Variants in SHOC1 observed in about 807,000 individuals in gnomAD.
The protein encoded by SHOC1 is shortage in chiasmata 1.
A neutral mutation model predicts 179.2 loss-of-function variants in SHOC1; 136 were observed. That is an observed-to-expected ratio of 0.76 (90% confidence interval 0.66 to 0.87). SHOC1 has a LOEUF of 0.87. Ranked by LOEUF, SHOC1 falls within the 40% of genes least tolerant of loss-of-function variation. The pLI, the probability that SHOC1 is intolerant of heterozygous loss-of-function variation, is 0.00. For missense variants in SHOC1, 1,538 were observed against 1,700.8 expected (o/e 0.90, Z 1.68); for synonymous variants, 489 against 586.6 (o/e 0.83, Z 2.41).
rs1309331084 is a variant in SHOC1 at position 111,758,778 on chromosome 9, G to C, written c.513C>G (p.Leu171=). The change falls in exon 6 of 28, where the codon CTC becomes CTG. Residue 171 remains leucine (L), a synonymous_variant. Transcript: ENST00000682961. ...CCAAAAACAGTTTTAGTCTACTCAA[G>C]AGAGTAGGCAAAGTTGGTAGGTGTT... ...SRKHLPTLPT[L]LSRLKLFLVK... 1 of 1,598,110 alleles carries C rather than the reference G, an allele frequency of 6.3e-7. No homozygotes were observed. Among genetic ancestry groups the C allele is most frequent in the South Asian group, 1.1e-5 (1 of 88,982 alleles).
intron 8 of SHOC1, among the ~76,000 whole-genome samples, chr9:111,753,047 A>T (rs1454253247): frequency 6.6e-6 from 1 of 152,116 alleles, no homozygotes; most frequent in Non-Finnish European, 1.5e-5. Flanking sequence ...ACCCTGTCTC[A>T]ACAATAAAAA....
chr9:111,753,443 A>C (rs1202847934), intron 8 of SHOC1, among the ~76,000 whole-genome samples: 1 of 152,376 alleles, frequency 6.6e-6, no homozygotes, highest in East Asian at 1.9e-4. Context: ...CAGTAATGCA[A>C]GGTTGATTGA....
In SHOC1 at chr9:111,694,586, A is replaced by G. The variant is rs576477836; in HGVS notation, c.3184-224T>C. On this transcript the variant is annotated intron_variant, in intron 24 of 27. Transcript: ENST00000682961. Reference sequence around the variant, plus strand: ...TATCCTTGTATTTTTAATTTTTGGAACTAAATCATTTTCATTTCATTTGGC... The same window carrying G: ...TATCCTTGTATTTTTAATTTTTGGAGCTAAATCATTTTCATTTCATTTGGC... Among the ~76,000 whole-genome samples the G allele has an allele frequency of 1.5e-3, 232 of 152,104 alleles. 1 individual carries two copies. Among genetic ancestry groups the G allele is most frequent in the African/African-American group, 5.3e-3 (222 of 41,534 alleles).
chr9:111,764,571 T>C (rs1334396384), intron 5 of SHOC1, among the ~76,000 whole-genome samples: 1 of 152,102 alleles, frequency 6.6e-6, no homozygotes, highest in Non-Finnish European at 1.5e-5. Context: ...TATAACTACA[T>C]TGGGAGAGTA....
At chr9:111,686,939 C>CTTTTTTTTTTTTTTTTT (rs10537471) in intron 27 of SHOC1, 69 bp from the exon 28 acceptor site, 1 of 498,932 alleles carries the variant, frequency 2.0e-6, no homozygotes, top group Non-Finnish European at 3.1e-6. Context: ...TTTTCTTTTC[C>CTTTTTTTTTTTTTTTTT]TTTTTTTTTT....
At position 111,692,015 on chromosome 9, in the gene SHOC1, G is replaced by A. The variant is rs772877928; in HGVS notation, c.3962C>T (p.Pro1321Leu). 6.2e-7 allele frequency: 1 copy of A among 1,613,146 alleles called. No individual in the cohort carries two copies. The highest frequency in any genetic ancestry group is 8.5e-7 in the Non-Finnish European group (1 of 1,179,654). Residue 1321 changes from proline to leucine, a missense_variant, in exon 27 of 28, where the codon CCC becomes CTC. Coordinates refer to ENST00000682961, the MANE Select transcript of SHOC1 (RefSeq NM_001378211.1). ...TDTQKRVSVV[P>L]RFINSQKRRT... is the part of the protein sequence containing the mutation. ...CCTTTTCTGAGAATTTATAAAACGGGGGACAACTGACACTCTCTTCTGAGT... is the reference window on the plus strand; with the variant it reads ...CCTTTTCTGAGAATTTATAAAACGGAGGACAACTGACACTCTCTTCTGAGT...
intron 2 of SHOC1, among the ~76,000 whole-genome samples, chr9:111,789,698 G>A (rs10981074): frequency 0.016 from 2,454 of 152,128 alleles, 59 homozygotes; most frequent in African/African-American, 0.048. Flanking sequence ...TTAGTATAGC[G>A]TTTGTATTAT....
chr9:111,744,022 AT>A (rs1335290079), intron 10 of SHOC1, among the ~76,000 whole-genome samples: 2 of 152,140 alleles, frequency 1.3e-5, no homozygotes, highest in African/African-American at 4.8e-5. Flanking sequence ...ATTAGTTAAG[AT>A]TTGTTTCATA....
At chr9:111,720,838 A>C (rs928156914) in intron 15 of SHOC1, among the ~76,000 whole-genome samples, 1 of 152,240 alleles carries the variant, frequency 6.6e-6, no homozygotes, top group Non-Finnish European at 1.5e-5. Flanking sequence ...AAACATACAG[A>C]AAACAGTAAT....
At chr9:111,716,463 T>TCACTG (rs1265992222) in intron 16 of SHOC1, among the ~76,000 whole-genome samples, 2 of 135,618 alleles carry the variant, frequency 1.5e-5, no homozygotes, top group Non-Finnish European at 3.1e-5. Flanking sequence ...CAATCTTGGC[T>TCACTG]CACTGCAGCC....
chr9:111,746,358 A>G lies in SHOC1; in HGVS notation c.971-16T>C, dbSNP rs747904169. 41 of 1,505,236 alleles carry G rather than the reference A, an allele frequency of 2.7e-5. No homozygotes were observed. The highest frequency in any genetic ancestry group is 3.5e-5 in the Non-Finnish European group (38 of 1,082,318). The allele number at this position is 1,505,236 out of a possible 1,614,324, so 93.2% of individuals were successfully genotyped here. A position where few individuals can be genotyped will look rare whatever the true frequency, so the allele number is the denominator to read the frequency against. On this transcript the variant is annotated splice_polypyrimidine_tract_variant and intron_variant, in intron 9 of 27. Transcript: ENST00000682961. ...TCTAACTCTCCTGGAATATATGAAA[A>G]TTAAAGTTATGTAAACATTGAATAA...
At chr9:111,740,874 T>C (rs1414763369) in intron 11 of SHOC1, among the ~76,000 whole-genome samples, 1 of 151,980 alleles carries the variant, frequency 6.6e-6, no homozygotes, top group East Asian at 1.9e-4. Flanking sequence ...GCCCGGCCAT[T>C]TTTTTTGTTT....
chr9:111,762,297 G>A (rs1004765256), intron 5 of SHOC1, among the ~76,000 whole-genome samples: 1 of 151,336 alleles, frequency 6.6e-6, no homozygotes, highest in Non-Finnish European at 1.5e-5. Context: ...AGGCATGGTG[G>A]CACAGCTATG....
At chr9:111,777,038 G>C (rs1835862609) in intron 4 of SHOC1, among the ~76,000 whole-genome samples, 1 of 152,274 alleles carries the variant, frequency 6.6e-6, no homozygotes, top group African/African-American at 2.4e-5. Flanking sequence ...AGTGCTGACT[G>C]TTCAGGTTGG....
intron 3 of SHOC1, among the ~76,000 whole-genome samples, chr9:111,781,454 G>A (rs938609496): frequency 6.6e-6 from 1 of 152,168 alleles, no homozygotes; most frequent in African/African-American, 2.4e-5. Context: ...GGCACGTAGT[G>A]GCTCATGCCT....
At chr9:111,698,128 C>T (rs1831791925) in intron 24 of SHOC1, among the ~76,000 whole-genome samples, 2 of 152,110 alleles carry the variant, frequency 1.3e-5, no homozygotes, top group South Asian at 4.1e-4. Context: ...AAATGTTCTC[C>T]CATTCTGTAG....
chr9:111,728,133 G>T, intron 12 of SHOC1, 84 bp from the exon 13 acceptor site: 1 of 965,536 alleles, frequency 1.0e-6, no homozygotes, highest in Non-Finnish European at 1.4e-6. Flanking sequence ...TTTTAGTTGT[G>T]GTTTCTTATT....
intron 8 of SHOC1, among the ~76,000 whole-genome samples, chr9:111,749,217 T>G (rs1296110632): frequency 3.3e-5 from 5 of 152,162 alleles, no homozygotes; most frequent in Non-Finnish European, 7.3e-5. Context: ...GCATTTAGAA[T>G]GTTTCTTTCT....
At chr9:111,708,351 T>A (rs1307223474) in intron 18 of SHOC1, among the ~76,000 whole-genome samples, 1 of 151,986 alleles carries the variant, frequency 6.6e-6, no homozygotes, top group Non-Finnish European at 1.5e-5. Context: ...GACAAGTGCC[T>A]GCCACCACGC....
Sources: allele counts gnomAD v4.1 joint callset (sites outside exome capture counted in the v4.1 genomes callset), GRCh38; gene constraint gnomAD v4.1.1; transcripts MANE v1.5; gene names NCBI Gene and HGNC (gene_info 2026-07-23, HGNC 2026-07-21).